The following EFEMP1 variants were observed in gnomAD, a reference collection of about 807,000 sequenced individuals.
The protein encoded by EFEMP1 is EGF-like fibulin extracellular matrix protein 1, also known as EGF-containing fibulin-like extracellular matrix protein 1.
A neutral mutation model predicts 65.7 loss-of-function variants in EFEMP1; 18 were observed. The observed-to-expected ratio is 0.27, with a 90% CI of 0.19 to 0.41. The LOEUF is 0.41. Among genes scored for constraint, EFEMP1 ranks in the 10% least tolerant of loss-of-function variants. The pLI, the probability that EFEMP1 is intolerant of heterozygous loss-of-function variation, is 1.00. For synonymous variants in EFEMP1, 237 were observed against 219.7 expected (o/e 1.08, Z -0.70); for missense variants, 469 against 624.8 (o/e 0.75, Z 2.66).
chr2:55,920,984 A>C (rs909996749), intron 3 of EFEMP1, among the ~76,000 whole-genome samples: 1 of 152,244 alleles, frequency 6.6e-6, no homozygotes, highest in Admixed American at 6.5e-5. Flanking sequence ...GTGGTCTTAA[A>C]ACTATCATGT....
intron 5 of EFEMP1, among the ~76,000 whole-genome samples, chr2:55,882,750 A>C (rs747248045): frequency 6.6e-6 from 1 of 152,100 alleles, no homozygotes; most frequent in African/African-American, 2.4e-5. Context: ...TGATTCCTAG[A>C]TGACAATTTT....
rs551787586 is a variant in EFEMP1, at chr2:55,917,592, A to T, written c.517+73T>A. 169 of 1,598,478 alleles carry T rather than the reference A, an allele frequency of 1.1e-4. 1 individual carries two copies. In the South Asian group the frequency reaches 1.8e-3, roughly 17 times the overall value. On this transcript the variant is annotated intron_variant, in intron 5 of 11. Coordinates refer to ENST00000355426, the MANE Select transcript of EFEMP1 (RefSeq NM_001039348.3). This position sits in a 1 kb window ranked among gnomAD's most constrained non-coding sequence, Gnocchi z 6.3. ...CTGGCACGCGAGAAGTCCTTAATAA[A>T]TTATCATCATCCTCACCACGAGGTG...
At chr2:55,887,067 G>C (rs1419609621) in intron 5 of EFEMP1, among the ~76,000 whole-genome samples, 1 of 152,064 alleles carries the variant, frequency 6.6e-6, no homozygotes, top group East Asian at 1.9e-4. Context: ...GATTGGGAAG[G>C]CAGAATTACA....
At chr2:55,900,985 A>G (rs1025430429) in intron 5 of EFEMP1, among the ~76,000 whole-genome samples, 5 of 152,182 alleles carry the variant, frequency 3.3e-5, no homozygotes, top group African/African-American at 1.2e-4. Context: ...TAAACAACCT[A>G]TTTATTGTAA....
At position 55,921,700 on chromosome 2, in the gene EFEMP1, CAACT is replaced by C. The variant is rs1670910799; in HGVS notation, c.81+656_81+659del. ...TTATTAAACATTGGTTACACCTATG[CAACT>C]AACTAATCAAATATTACTTGGAAAT... On this transcript the variant is annotated intron_variant, in intron 3 of 11. Transcript: ENST00000355426. This position sits in a 1 kb window ranked among gnomAD's most constrained non-coding sequence, Gnocchi z 4.1. Among the ~76,000 whole-genome samples the C allele has an allele frequency of 6.6e-6, 1 of 152,198 alleles. No homozygotes were observed. Among genetic ancestry groups the C allele is most frequent in the African/African-American group, 2.4e-5 (1 of 41,448 alleles).
At chr2:55,884,478 C>A (rs909344507) in intron 5 of EFEMP1, among the ~76,000 whole-genome samples, 3 of 152,168 alleles carry the variant, frequency 2.0e-5, no homozygotes, top group African/African-American at 7.2e-5. Context: ...TGTGCAGATG[C>A]TCTGGAAAAG....
intron 5 of EFEMP1, among the ~76,000 whole-genome samples, chr2:55,895,654 G>T (rs918642878): frequency 6.6e-6 from 1 of 150,770 alleles, no homozygotes; most frequent in Non-Finnish European, 1.5e-5. Flanking sequence ...CCATTCTCCT[G>T]CCTCAGCCTC....
chr2:55,890,336 AT>A (rs1406047537), intron 5 of EFEMP1, among the ~76,000 whole-genome samples: 1 of 152,114 alleles, frequency 6.6e-6, no homozygotes, highest in African/African-American at 2.4e-5. Context: ...AAATAAAAAA[AT>A]GAATGAAACT....
At chr2:55,884,530 A>G (rs1367225522) in intron 5 of EFEMP1, among the ~76,000 whole-genome samples, 1 of 152,176 alleles carries the variant, frequency 6.6e-6, no homozygotes, top group East Asian at 1.9e-4. Context: ...ACTGCCCTCT[A>G]CTTGCTCCTG....
At chr2:55,899,527 G>A (rs534274785) in intron 5 of EFEMP1, among the ~76,000 whole-genome samples, 2 of 152,270 alleles carry the variant, frequency 1.3e-5, no homozygotes, top group African/African-American at 4.8e-5. Flanking sequence ...GAAAGATGGA[G>A]TTCTAAAAAC....
Position 55,922,793 on chromosome 2 carries a change from A to G in EFEMP1, c.-8+106T>C. 2 of 881,024 alleles carry G rather than the reference A, an allele frequency of 2.3e-6. No homozygotes were observed. The highest frequency in any genetic ancestry group is 3.0e-6 in the Non-Finnish European group (2 of 663,924). The allele number at this position is 881,024 out of a possible 1,614,324, so 54.6% of individuals were successfully genotyped here. A position where few individuals can be genotyped will look rare whatever the true frequency, so the allele number is the denominator to read the frequency against. On this transcript the variant is annotated intron_variant, in intron 2 of 11. Coordinates refer to ENST00000355426, the MANE Select transcript of EFEMP1 (RefSeq NM_001039348.3). This position sits in a 1 kb window ranked among gnomAD's most constrained non-coding sequence, Gnocchi z 5.5. Reference sequence around the variant, plus strand: ...AAGGAAAAAACAGTAATCCATTTCAAAGGGGACGGTGCATTTCCTGCCCCC... The same window carrying G: ...AAGGAAAAAACAGTAATCCATTTCAGAGGGGACGGTGCATTTCCTGCCCCC...
At chr2:55,897,121 C>A (rs1303962108) in intron 5 of EFEMP1, among the ~76,000 whole-genome samples, 1 of 152,224 alleles carries the variant, frequency 6.6e-6, no homozygotes, top group Non-Finnish European at 1.5e-5. Flanking sequence ...CTTAAAATGT[C>A]ACACTGTAAT....
At chr2:55,901,335 G>A (rs1167712187) in intron 5 of EFEMP1, among the ~76,000 whole-genome samples, 1 of 152,194 alleles carries the variant, frequency 6.6e-6, no homozygotes, top group Non-Finnish European at 1.5e-5. Flanking sequence ...TTTGTTTTAT[G>A]AAAATTACTT....
At chr2:55,896,714 G>A (rs1238577682) in intron 5 of EFEMP1, among the ~76,000 whole-genome samples, 1 of 152,188 alleles carries the variant, frequency 6.6e-6, no homozygotes, top group Admixed American at 6.5e-5. Flanking sequence ...AATTTTAAAA[G>A]TAAATGATGC....
chr2:55,915,909 A>G (rs906233522), intron 5 of EFEMP1, among the ~76,000 whole-genome samples: 5 of 152,124 alleles, frequency 3.3e-5, no homozygotes, highest in African/African-American at 1.2e-4. Flanking sequence ...CAATATCAGA[A>G]TATCAAGCAG....
Position 55,886,479 on chromosome 2 carries a change from G to T in EFEMP1, c.518-4745C>A, listed in dbSNP as rs1669424858. Among the ~76,000 whole-genome samples the T allele has an allele frequency of 6.6e-6, 1 of 152,156 alleles. No individual in the cohort carries two copies. Among genetic ancestry groups the T allele is most frequent in the African/African-American group, 2.4e-5 (1 of 41,438 alleles). ...TTGGTGATACTTCTTGATCTGTGTG[G>T]ATTTAAAACCTTATTATACCTAGCT... On this transcript the variant is annotated intron_variant, in intron 5 of 11. Transcript: ENST00000355426. The surrounding 1 kb of genome is among the most constrained non-coding windows in gnomAD (Gnocchi z 4.0).
intron 11 of EFEMP1, among the ~76,000 whole-genome samples, chr2:55,869,104 T>TTTTGA (rs986383260): frequency 6.6e-6 from 1 of 152,180 alleles, no homozygotes; most frequent in Admixed American, 6.6e-5. Context: ...AAACACTGTA[T>TTTTGA]TTTGATTTGA....
intron 8 of EFEMP1, 25 bp downstream of exon 8, chr2:55,876,598 C>G (rs1471919014): frequency 3.7e-6 from 6 of 1,610,544 alleles, no homozygotes; most frequent in Admixed American, 1.7e-5. Context: ...GGACTTTATT[C>G]CATACTATCT....
intron 5 of EFEMP1, among the ~76,000 whole-genome samples, chr2:55,894,257 A>G (rs1301460061): frequency 1.3e-5 from 2 of 152,224 alleles, no homozygotes; most frequent in African/African-American, 4.8e-5. Flanking sequence ...TGAAAAATGT[A>G]AATTTCAGCA....
Sources: gnomAD v4.1 joint callset for allele counts (sites outside exome capture counted in the v4.1 genomes callset) on GRCh38, gnomAD v4.1.1 for gene constraint, Gnocchi (gnomAD v3.1) non-coding constraint, MANE v1.5 for transcripts, NCBI Gene and HGNC (gene_info 2026-07-23, HGNC 2026-07-21) for gene names.